Variants in GRIN2A observed in about 807,000 individuals in gnomAD.
GRIN2A encodes glutamate ionotropic receptor NMDA type subunit 2A, also known as glutamate receptor ionotropic, NMDA 2A.
GRIN2A carries 22 observed loss-of-function variants against 113.4 expected under a neutral mutation model. The observed-to-expected ratio is 0.19, with a 90% CI of 0.14 to 0.28. The LOEUF is 0.28. GRIN2A is among the 10% of genes least tolerant of loss of function. The pLI is 1.00. For missense variants in GRIN2A, 1,502 were observed against 1,887.0 expected, an observed-to-expected ratio of 0.80 and a Z score of 3.78; for synonymous variants, 827 against 738.4, an observed-to-expected ratio of 1.12 and a Z score of -1.94.
At chr16:10,021,849 T>A (rs1218027939) in intron 2 of GRIN2A, among the ~76,000 whole-genome samples, 1 of 152,052 alleles carries the variant, frequency 6.6e-6, no homozygotes, top group Non-Finnish European at 1.5e-5. Context: ...TTAGGCTGCA[T>A]TCTGCCCCAT....
intron 11 of GRIN2A, among the ~76,000 whole-genome samples, chr16:9,788,036 A>G (rs1363706125): frequency 6.6e-6 from 1 of 152,188 alleles, no homozygotes; most frequent in East Asian, 1.9e-4. Flanking sequence ...AGAAGCACGG[A>G]TGGCTCTGAG....
chr16:10,050,893 G>C (rs1285892265), intron 2 of GRIN2A, among the ~76,000 whole-genome samples: 1 of 152,046 alleles, frequency 6.6e-6, no homozygotes, highest in Non-Finnish European at 1.5e-5. Flanking sequence ...ACCCATTTTG[G>C]ACTTCAGTCC....
At chr16:10,027,306 C>T (rs1307880426) in intron 2 of GRIN2A, among the ~76,000 whole-genome samples, 2 of 152,220 alleles carry the variant, frequency 1.3e-5, no homozygotes, top group East Asian at 1.9e-4. Context: ...CAAGCTCTCA[C>T]AGCAAAGTTT....
chr16:9,834,298 C>T, intron 7 of GRIN2A, 68 bp from the exon 8 acceptor site: 1 of 1,499,862 alleles, frequency 6.7e-7, no homozygotes, highest in South Asian at 1.1e-5. Flanking sequence ...AGCAGGAAGC[C>T]CAGACATCCA....
intron 2 of GRIN2A, among the ~76,000 whole-genome samples, chr16:10,062,319 A>AT (rs2142009683): frequency 6.6e-6 from 1 of 152,330 alleles, no homozygotes; most frequent in Admixed American, 6.5e-5. Flanking sequence ...CTGCATTCCA[A>AT]TAAAAATTTA....
chr16:10,166,069 A>C (rs1023991653), intron 2 of GRIN2A, among the ~76,000 whole-genome samples: 23 of 152,138 alleles, frequency 1.5e-4, no homozygotes, highest in Non-Finnish European at 2.2e-4. Flanking sequence ...TTAATACTAC[A>C]TTTCCTCAGT....
At chr16:9,789,536 G>A (rs1050740412) in intron 11 of GRIN2A, among the ~76,000 whole-genome samples, 1 of 148,934 alleles carries the variant, frequency 6.7e-6, no homozygotes, top group African/African-American at 2.5e-5. Context: ...TGGTTGATAA[G>A]ATATATGAAA....
At chr16:9,964,644 C>A (rs919786556) in intron 2 of GRIN2A, among the ~76,000 whole-genome samples, 1 of 152,064 alleles carries the variant, frequency 6.6e-6, no homozygotes, top group Non-Finnish European at 1.5e-5. Context: ...CGGCTTATGA[C>A]TCCTTCCTTC....
chr16:9,763,513 A>T lies in GRIN2A; in HGVS notation c.4031T>A (p.Phe1344Tyr). 1.2e-6 allele frequency: 2 copies of T among 1,613,944 alleles called. No individual in the cohort carries two copies. The highest frequency in any genetic ancestry group is 1.7e-6 in the Non-Finnish European group (2 of 1,179,946). ...CTTGCTGTCCTCCAGACCTTGGGGGAAAAGGGAGCTTTTTTTCCCCGAGAG... is the reference window on the plus strand; with the variant it reads ...CTTGCTGTCCTCCAGACCTTGGGGGTAAAGGGAGCTTTTTTTCCCCGAGAG... ...SKLSGKKSSLFPQGLEDSKRS... is the reference protein window; with the variant it reads ...SKLSGKKSSLYPQGLEDSKRS... The change falls in exon 13 of 13, where the codon TTC becomes TAC. Residue 1344 changes from phenylalanine to tyrosine, a missense_variant. Physicochemically the swap from Phe to Tyr is conservative, Grantham distance 22. This residue lies in a region of GRIN2A where 832 missense variants were observed against 789.7 expected (regional missense o/e 1.05). Coordinates refer to ENST00000330684, the MANE Select transcript of GRIN2A (RefSeq NM_001134407.3).
At chr16:9,994,686 G>C (rs1483521393) in intron 2 of GRIN2A, among the ~76,000 whole-genome samples, 1 of 152,214 alleles carries the variant, frequency 6.6e-6, no homozygotes, top group Non-Finnish European at 1.5e-5. Flanking sequence ...ACCAGGCATA[G>C]CATTGGGAGC....
intron 2 of GRIN2A, among the ~76,000 whole-genome samples, chr16:10,044,007 G>GTATACA (rs1555469969): frequency 8.6e-6 from 1 of 116,926 alleles, no homozygotes; most frequent in African/African-American, 3.3e-5. Flanking sequence ...GTGTGTGTGT[G>GTATACA]TATATATATA....
At chr16:9,968,972 C>A (rs1014155490) in intron 2 of GRIN2A, among the ~76,000 whole-genome samples, 16 of 152,110 alleles carry the variant, frequency 1.1e-4, no homozygotes, top group Non-Finnish European at 2.4e-4. Context: ...GTATCTTATT[C>A]AACTCACTAT....
intron 7 of GRIN2A, among the ~76,000 whole-genome samples, chr16:9,840,384 A>T (rs1255756879): frequency 6.6e-6 from 1 of 152,084 alleles, no homozygotes; most frequent in African/African-American, 2.4e-5. Context: ...ACAAGAACAG[A>T]AGGGGAGAAA....
At chr16:9,785,365 T>C (rs770048332) in intron 11 of GRIN2A, among the ~76,000 whole-genome samples, 2 of 143,680 alleles carry the variant, frequency 1.4e-5, no homozygotes, top group Non-Finnish European at 3.0e-5. Context: ...CACATGTTCT[T>C]ACTCATAGGT....
intron 3 of GRIN2A, among the ~76,000 whole-genome samples, chr16:9,893,300 G>T (rs769176240): frequency 3.9e-5 from 6 of 152,104 alleles, no homozygotes; most frequent in Admixed American, 6.5e-5. Context: ...TCATTTTTTT[G>T]TGTGTGTATC....
intron 2 of GRIN2A, chr16:10,031,294 C>A (rs1224224476): frequency 1.3e-5 from 2 of 152,226 alleles, no homozygotes; most frequent in Non-Finnish European, 2.9e-5. Flanking sequence ...GCTGTGCTGC[C>A]CCCTGGAAAG....
At chr16:10,129,171 G>T (rs1289665732) in intron 2 of GRIN2A, among the ~76,000 whole-genome samples, 3 of 151,988 alleles carry the variant, frequency 2.0e-5, no homozygotes, top group Admixed American at 6.6e-5. Context: ...AAATTTCTGG[G>T]CTCAAGTGAT....
chr16:9,951,684 GT>G lies in GRIN2A; in HGVS notation c.415-13134del, dbSNP rs200115187. ...TTTTAACAGAAAAAAATGATGGTTT[GT>G]TTTTTTCTCCGAAGTGACATAGAAA... On this transcript the variant is annotated intron_variant, in intron 2 of 12. Transcript: ENST00000330684. Among the ~76,000 whole-genome samples, 438 of 152,228 alleles carry G rather than the reference GT, an allele frequency of 2.9e-3. 9 individuals carry two copies. The East Asian group carries it at 0.054, about 19-fold the overall frequency.
In GRIN2A at chr16:10,056,820, T is replaced by C. The variant is rs111295891; in HGVS notation, c.415-118269A>G. Among the ~76,000 whole-genome samples, 303 of 152,240 alleles carry C rather than the reference T, an allele frequency of 2.0e-3. 2 individuals are homozygous for C. The highest frequency in any genetic ancestry group is 7.1e-3 in the African/African-American group (294 of 41,532). The stretch of plus-strand genomic sequence containing the variant: ...AGCATCCTTGGAAAGAGAACAGTAA[T>C]GCCAGAACCTTGATTTTGAACATCT... On this transcript the variant is annotated intron_variant, in intron 2 of 12. Transcript: ENST00000330684.
Sources: allele counts gnomAD v4.1 joint callset (sites outside exome capture counted in the v4.1 genomes callset), GRCh38; gene constraint gnomAD v4.1.1; regional missense constraint gnomAD v4.1.1; transcripts MANE v1.5; gene names NCBI Gene and HGNC (gene_info 2026-07-23, HGNC 2026-07-21).